The following ARHGAP25 variants were observed in gnomAD, a reference collection of about 807,000 sequenced individuals.
ARHGAP25 encodes the protein Rho GTPase activating protein 25.
Under a neutral mutation model 71.0 loss-of-function variants are expected in ARHGAP25, and 34 were observed. That is an observed-to-expected ratio of 0.48 (90% CI 0.36 to 0.64). The LOEUF (loss-of-function observed/expected upper bound fraction) is 0.64, where lower values mean the gene tolerates loss of function less well. Ranked by LOEUF, ARHGAP25 falls within the 30% of genes least tolerant of loss-of-function variation. ARHGAP25 has a pLI of 0.00. For missense variants in ARHGAP25, 706 were observed against 805.1 expected (o/e 0.88, Z 1.49); for synonymous variants, 282 against 296.5 (o/e 0.95, Z 0.50).
chr2:68,774,502 G>GTAAA (rs1312559040), intron 1 of ARHGAP25, among the ~76,000 whole-genome samples: 2 of 152,218 alleles, frequency 1.3e-5, no homozygotes, highest in African/African-American at 4.8e-5. Flanking sequence ...CGATCTAACT[G>GTAAA]TAAAGGTCAT....
At chr2:68,719,800 G>T (rs1179636967) in intron 2 of ARHGAP25, among the ~76,000 whole-genome samples, 1 of 152,048 alleles carries the variant, frequency 6.6e-6, no homozygotes, top group Non-Finnish European at 1.5e-5. Flanking sequence ...GAGAAGTCTG[G>T]GGTTCAGAAA....
At chr2:68,729,194 T>C (rs1674950854) in intron 2 of ARHGAP25, among the ~76,000 whole-genome samples, 1 of 152,196 alleles carries the variant, frequency 6.6e-6, no homozygotes, top group Admixed American at 6.5e-5. Flanking sequence ...GTTGCACAAC[T>C]CTGAATGTAC....
At chr2:68,754,429 T>C (rs1214838561) in intron 1 of ARHGAP25, among the ~76,000 whole-genome samples, 2 of 152,236 alleles carry the variant, frequency 1.3e-5, no homozygotes, top group South Asian at 4.1e-4. Flanking sequence ...GTATAGATAG[T>C]TTTGTCCTTT....
At chr2:68,784,654 G>A (rs1678617934) in intron 3 of ARHGAP25, among the ~76,000 whole-genome samples, 1 of 152,082 alleles carries the variant, frequency 6.6e-6, no homozygotes, top group Non-Finnish European at 1.5e-5. Context: ...ATCTCATTTA[G>A]TTCTCATACC....
chr2:68,795,981 T>G (rs1394793197), intron 4 of ARHGAP25, among the ~76,000 whole-genome samples: 2 of 152,188 alleles, frequency 1.3e-5, no homozygotes, highest in Non-Finnish European at 2.9e-5. Context: ...TTATATCAGT[T>G]CATTTATATA....
chr2:68,773,051 T>A (rs1009652656), intron 1 of ARHGAP25, among the ~76,000 whole-genome samples: 19 of 152,148 alleles, frequency 1.2e-4, no homozygotes, highest in African/African-American at 4.3e-4. Flanking sequence ...AGGTAAGAAG[T>A]GACTGCCAGA....
At chr2:68,797,394 C>T (rs2104421442) in intron 4 of ARHGAP25, among the ~76,000 whole-genome samples, 1 of 152,332 alleles carries the variant, frequency 6.6e-6, no homozygotes, top group East Asian at 1.9e-4. Context: ...CCTCCTCCAT[C>T]CTGGCTATGG....
At chr2:68,722,727 G>C (rs186124964) in intron 2 of ARHGAP25, among the ~76,000 whole-genome samples, 3 of 152,248 alleles carry the variant, frequency 2.0e-5, no homozygotes, top group African/African-American at 7.2e-5. Flanking sequence ...ACTCTGGCTC[G>C]AGGGCCCATG....
intron 1 of ARHGAP25, among the ~76,000 whole-genome samples, chr2:68,747,500 G>A (rs573352786): frequency 6.6e-6 from 1 of 152,302 alleles, no homozygotes; most frequent in East Asian, 1.9e-4. Context: ...CCAGGGCTCA[G>A]TCCCCCGTCC....
intron 2 of ARHGAP25, among the ~76,000 whole-genome samples, chr2:68,723,227 T>C (rs2104259178): frequency 6.6e-6 from 1 of 152,338 alleles, no homozygotes; most frequent in Middle Eastern, 3.4e-3. Context: ...ATGATCATAG[T>C]AGTCTGTGAT....
intron 5 of ARHGAP25, among the ~76,000 whole-genome samples, chr2:68,812,838 G>A (rs1383954642): frequency 1.3e-5 from 2 of 152,144 alleles, no homozygotes. Context: ...GTGAATTATT[G>A]AGTAAATACG....
In ARHGAP25 at chr2:68,775,190, G is replaced by A. The variant is rs759718983; in HGVS notation, c.62-31G>A. 2 of 1,614,208 alleles carry A rather than the reference G, an allele frequency of 1.2e-6. No individual in the cohort carries two copies. Among genetic ancestry groups the A allele is most frequent in the South Asian group, 1.1e-5 (1 of 91,084 alleles). On this transcript the variant is annotated intron_variant, in intron 1 of 10. Coordinates refer to ENST00000409202, the MANE Select transcript of ARHGAP25 (RefSeq NM_001007231.3). ...CTTTGCTCACTGCCCCATGTCCCTC[G>A]GTCAGTCGGCCTGTCTGTTCCTCTC...
rs200584327 is a variant in ARHGAP25 at position 68,775,243 on chromosome 2, T to A, written c.84T>A (p.Thr28=). ...TAGCTCGGTCAAGGAGTGTGATGACTGGCGAGCAGATGGCTGCCTTCCATC... is the reference window on the plus strand; with the variant it reads ...TAGCTCGGTCAAGGAGTGTGATGACAGGCGAGCAGATGGCTGCCTTCCATC... ...AKIARSRSVM[T]GEQMAAFHPS... Residue 28 remains threonine, a synonymous_variant, in exon 2 of 11, where the codon ACT becomes ACA. Transcript: ENST00000409202. 1,085 of 1,614,268 alleles carry A rather than the reference T, an allele frequency of 6.7e-4. 9 individuals are homozygous for A. The highest frequency in any genetic ancestry group is 6.1e-3 in the South Asian group (558 of 91,084).
At chr2:68,805,813 G>A (rs1292679464) in intron 4 of ARHGAP25, among the ~76,000 whole-genome samples, 1 of 152,194 alleles carries the variant, frequency 6.6e-6, no homozygotes, top group Non-Finnish European at 1.5e-5. Context: ...GGAGAGTCAA[G>A]TGACTTTGCA....
At chr2:68,800,735 A>C (rs1679906365) in intron 4 of ARHGAP25, among the ~76,000 whole-genome samples, 1 of 152,226 alleles carries the variant, frequency 6.6e-6, no homozygotes, top group African/African-American at 2.4e-5. Flanking sequence ...GTAAAATGGA[A>C]CAATAATATT....
rs78550981 is a variant in ARHGAP25 at position 68,770,912 on chromosome 2, C to T, written c.62-4309C>T. Reference sequence around the variant, plus strand: ...ACTTTTATGGCCCATTTCCACCCCACGCTTTGTAATGATAGCACTCAGGTT... The same window carrying T: ...ACTTTTATGGCCCATTTCCACCCCATGCTTTGTAATGATAGCACTCAGGTT... On this transcript the variant is annotated intron_variant, in intron 1 of 10. Coordinates refer to ENST00000409202, the MANE Select transcript of ARHGAP25 (RefSeq NM_001007231.3). Among the ~76,000 whole-genome samples, 1,333 of 152,250 alleles carry T rather than the reference C, an allele frequency of 8.8e-3. 20 individuals carry two copies. Among genetic ancestry groups the T allele is most frequent in the African/African-American group, 0.029 (1,208 of 41,518 alleles).
intron 4 of ARHGAP25, among the ~76,000 whole-genome samples, chr2:68,790,907 C>G (rs1373888171): frequency 6.6e-6 from 1 of 152,198 alleles, no homozygotes; most frequent in Non-Finnish European, 1.5e-5. Context: ...CCCACCGCCT[C>G]CCCTCCCGCA....
chr2:68,711,792 G>A (rs193046436), intron 2 of ARHGAP25, among the ~76,000 whole-genome samples: 29 of 151,628 alleles, frequency 1.9e-4, no homozygotes, highest in Middle Eastern at 3.4e-3. Flanking sequence ...TACTGTGTTA[G>A]TTTGCTTAGA....
At chr2:68,724,400 A>G (rs1674834712) in intron 2 of ARHGAP25, among the ~76,000 whole-genome samples, 1 of 152,136 alleles carries the variant, frequency 6.6e-6, no homozygotes, top group African/African-American at 2.4e-5. Flanking sequence ...CTCTCATACT[A>G]GCCCCTCTGC....
Sources: allele counts gnomAD v4.1 joint callset (sites outside exome capture counted in the v4.1 genomes callset), GRCh38; gene constraint gnomAD v4.1.1; transcripts MANE v1.5; gene names NCBI Gene and HGNC (gene_info 2026-07-23, HGNC 2026-07-21).